SORCS2: variants seen among roughly 807,000 people sequenced by gnomAD.
SORCS2 encodes the protein sortilin related VPS10 domain containing receptor 2, also known as VPS10 domain-containing receptor SorCS2.
SORCS2 carries 100 observed loss-of-function variants against 141.6 expected under a neutral mutation model. The ratio of observed to expected loss-of-function variants is 0.71; its 90% CI spans 0.60 to 0.83. SORCS2 has a LOEUF of 0.83. Ranked by LOEUF, SORCS2 falls within the 40% of genes least tolerant of loss-of-function variation. The pLI, the probability that SORCS2 is intolerant of heterozygous loss-of-function variation, is 0.00. For missense variants in SORCS2, 1,646 were observed against 1,560.2 expected (o/e 1.05, Z -0.93); for synonymous variants, 789 against 676.9 (o/e 1.17, Z -2.57).
intron 8 of SORCS2, among the ~76,000 whole-genome samples, chr4:7,673,397 C>T (rs971290299): frequency 4.6e-5 from 7 of 152,286 alleles, no homozygotes; most frequent in Middle Eastern, 3.4e-3. Context: ...ATGTTGAGAA[C>T]GCTGACGGTT....
intron 25 of SORCS2, among the ~76,000 whole-genome samples, chr4:7,735,037 G>A (rs767722180): frequency 9.2e-5 from 14 of 152,186 alleles, no homozygotes; most frequent in Non-Finnish European, 1.9e-4. Context: ...GCTGGGACGC[G>A]TCATGGCCAC....
At chr4:7,607,584 C>T (rs1718143632) in intron 3 of SORCS2, among the ~76,000 whole-genome samples, 1 of 152,172 alleles carries the variant, frequency 6.6e-6, no homozygotes, top group African/African-American at 2.4e-5. Flanking sequence ...TTTTGTCCAC[C>T]TCACAGACAA....
At chr4:7,365,364 G>A (rs1258582345) in intron 1 of SORCS2, among the ~76,000 whole-genome samples, 1 of 152,116 alleles carries the variant, frequency 6.6e-6, no homozygotes, top group Non-Finnish European at 1.5e-5. Flanking sequence ...GGTGGGGAAG[G>A]GGTGTGTGGC....
At chr4:7,723,400 C>CT (rs1270225368) in intron 18 of SORCS2, among the ~76,000 whole-genome samples, 1 of 152,134 alleles carries the variant, frequency 6.6e-6, no homozygotes, top group African/African-American at 2.4e-5. Flanking sequence ...CCCAGCTGCT[C>CT]TCTGATGACA....
intron 3 of SORCS2, among the ~76,000 whole-genome samples, chr4:7,543,634 ATCCG>A (rs1712903246): frequency 3.1e-5 from 4 of 129,758 alleles, no homozygotes; most frequent in East Asian, 2.2e-4. Flanking sequence ...CCATCCACCC[ATCCG>A]TCCATCCGTC....
chr4:7,371,759 T>C (rs1251900720), intron 1 of SORCS2, among the ~76,000 whole-genome samples: 3 of 152,210 alleles, frequency 2.0e-5, no homozygotes, highest in Non-Finnish European at 2.9e-5. Context: ...TGTCGGGAGC[T>C]GAGCTTTGGT....
chr4:7,579,728 T>G (rs1716019553), intron 3 of SORCS2, among the ~76,000 whole-genome samples: 1 of 152,136 alleles, frequency 6.6e-6, no homozygotes, highest in African/African-American at 2.4e-5. Context: ...TGTGCAGAGG[T>G]GGATGAGATG....
chr4:7,227,062 C>T (rs1463063754), intron 1 of SORCS2, among the ~76,000 whole-genome samples: 1 of 151,842 alleles, frequency 6.6e-6, no homozygotes, highest in Non-Finnish European at 1.5e-5. Context: ...CCTGTGGGTA[C>T]TCTTATGCAC....
At chr4:7,712,974 T>C in intron 15 of SORCS2, 121 bp downstream of exon 15, 1 of 1,408,704 alleles carries the variant, frequency 7.1e-7, no homozygotes, top group Non-Finnish European at 9.5e-7. Flanking sequence ...CCAAGAAGTC[T>C]TCAGGGAATC....
intron 2 of SORCS2, among the ~76,000 whole-genome samples, chr4:7,451,093 T>G (rs1248439637): frequency 1.3e-5 from 2 of 152,050 alleles, no homozygotes; most frequent in African/African-American, 4.8e-5. Context: ...CATGAGTGAC[T>G]GAGTGAGTGA....
chr4:7,287,199 C>T (rs1297663190), intron 1 of SORCS2, among the ~76,000 whole-genome samples: 2 of 152,200 alleles, frequency 1.3e-5, no homozygotes, highest in Non-Finnish European at 2.9e-5. Context: ...ACTGGAAAAT[C>T]CCAGATGAGA....
chr4:7,362,780 G>C (rs1358961798), intron 1 of SORCS2, among the ~76,000 whole-genome samples: 1 of 150,270 alleles, frequency 6.7e-6, no homozygotes, highest in Non-Finnish European at 1.5e-5. Flanking sequence ...TTACTACCAG[G>C]ACTATTACCA....
intron 3 of SORCS2, among the ~76,000 whole-genome samples, chr4:7,557,824 G>A (rs1458331996): frequency 2.0e-5 from 3 of 152,192 alleles, no homozygotes; most frequent in African/African-American, 4.8e-5. Flanking sequence ...GTGGGGGCAC[G>A]GTGCCCCATG....
At position 7,634,832 on chromosome 4, in the gene SORCS2, C is replaced by T. The variant is rs533003646; in HGVS notation, c.649-3496C>T. ...GACAGCTGGCACTCGGTCTGATGTACCTCACTCACCCCTGCAGCCTTCCTC... is the reference window on the plus strand; with the variant it reads ...GACAGCTGGCACTCGGTCTGATGTATCTCACTCACCCCTGCAGCCTTCCTC... On this transcript the variant is annotated intron_variant, in intron 3 of 26. Coordinates refer to ENST00000507866, the MANE Select transcript of SORCS2 (RefSeq NM_020777.3). Among the ~76,000 whole-genome samples the T allele has an allele frequency of 1.4e-4, 22 of 152,330 alleles. No individual in the cohort carries two copies. In the South Asian group the frequency reaches 4.1e-3, roughly 29 times the overall value.
chr4:7,553,096 G>A lies in SORCS2; in HGVS notation c.648+21467G>A, dbSNP rs186310775. On this transcript the variant is annotated intron_variant, in intron 3 of 26. Transcript: ENST00000507866. ...AAAGAGTCAGTGATGTGGAGGGGGC[G>A]CTAAGCAGGGGTCTGGATGGCTGGG... Among the ~76,000 whole-genome samples, 56 of 152,230 alleles carry A rather than the reference G, an allele frequency of 3.7e-4. No individual in the cohort carries two copies. In the East Asian group the frequency reaches 9.7e-3, roughly 26 times the overall value.
intron 3 of SORCS2, among the ~76,000 whole-genome samples, chr4:7,611,593 C>T (rs937998019): frequency 6.6e-6 from 1 of 152,184 alleles, no homozygotes; most frequent in African/African-American, 2.4e-5. Flanking sequence ...GAAGTGGGGA[C>T]CCTCATGGCT....
intron 3 of SORCS2, among the ~76,000 whole-genome samples, chr4:7,627,099 C>T (rs1719560428): frequency 6.6e-6 from 1 of 152,174 alleles, no homozygotes; most frequent in South Asian, 2.1e-4. Flanking sequence ...GATCCTCCTG[C>T]CTCAGCTTCC....
At chr4:7,570,184 T>G (rs1577768552) in intron 3 of SORCS2, among the ~76,000 whole-genome samples, 1 of 151,554 alleles carries the variant, frequency 6.6e-6, no homozygotes, top group African/African-American at 2.4e-5. Flanking sequence ...GAGGGGAGGG[T>G]AGTGAGTGAT....
intron 2 of SORCS2, among the ~76,000 whole-genome samples, chr4:7,490,109 C>T (rs542956308): frequency 6.6e-6 from 1 of 152,288 alleles, no homozygotes; most frequent in South Asian, 2.1e-4. Flanking sequence ...ACCCCAGGGG[C>T]CTGGCTGGCT....
Sources: allele counts gnomAD v4.1 joint callset (sites outside exome capture counted in the v4.1 genomes callset), GRCh38; gene constraint gnomAD v4.1.1; transcripts MANE v1.5; gene names NCBI Gene and HGNC (gene_info 2026-07-23, HGNC 2026-07-21).